The following GLDC variants were observed in gnomAD, a reference collection of about 807,000 sequenced individuals.
GLDC encodes the protein glycine decarboxylase.
Under a neutral mutation model 121.3 loss-of-function variants are expected in GLDC, and 104 were observed. The ratio of observed to expected loss-of-function variants is 0.86; its 90% CI spans 0.73 to 1.01. The LOEUF is 1.01. Among genes scored for constraint, GLDC ranks in the 50% least tolerant of loss-of-function variants. The pLI is 0.00. For synonymous variants in GLDC, 546 were observed against 480.6 expected, an observed-to-expected ratio of 1.14 and a Z score of -1.78; for missense variants, 1,429 against 1,306.6, an observed-to-expected ratio of 1.09 and a Z score of -1.44.
chr9:6,615,415 TA>T (rs201628740), intron 3 of GLDC, among the ~76,000 whole-genome samples: 58 of 137,324 alleles, frequency 4.2e-4, no homozygotes, highest in African/African-American at 1.5e-3. Context: ...TTGTCTCTAC[TA>T]AAAATTTAAA....
At chr9:6,589,130 C>G in intron 12 of GLDC, 65 bp downstream of exon 12, 1 of 980,340 alleles carries the variant, frequency 1.0e-6, no homozygotes, top group East Asian at 2.4e-5. Flanking sequence ...AGCAGCAGCA[C>G]TCTGCCTAAC....
chr9:6,629,957 A>ATTTT lies in GLDC; in HGVS notation c.335-9642_335-9639dup, dbSNP rs60203144. On this transcript the variant is annotated intron_variant, in intron 2 of 24. Coordinates refer to ENST00000321612, the MANE Select transcript of GLDC (RefSeq NM_000170.3). ...TATATATATATATGTATATATATAT[A>ATTTT]TTTTTTTTTTTTAAGAGAGACAAGG... 7.8e-4 allele frequency among the ~76,000 whole-genome samples: 65 copies of ATTTT among 83,064 alleles called. 1 individual carries two copies. Among genetic ancestry groups the ATTTT allele is most frequent in the Admixed American group, 1.5e-3 (12 of 8,078 alleles). 54.5% of individuals were successfully genotyped at this position (83,064 alleles called of 152,430 possible).
chr9:6,604,217 T>C (rs1818684213), intron 7 of GLDC, among the ~76,000 whole-genome samples: 1 of 152,220 alleles, frequency 6.6e-6, no homozygotes, highest in South Asian at 2.1e-4. Context: ...GTGTGTACTT[T>C]GCAGTCTCAG....
chr9:6,605,069 A>G (rs1563856953), intron 6 of GLDC, 62 bp downstream of exon 6: 5 of 1,402,740 alleles, frequency 3.6e-6, no homozygotes, highest in Non-Finnish European at 4.0e-6. Context: ...AGAGAGAGAT[A>G]GGTAGACAGA....
At chr9:6,621,318 A>G (rs1007866116) in intron 2 of GLDC, among the ~76,000 whole-genome samples, 9 of 152,216 alleles carry the variant, frequency 5.9e-5, no homozygotes, top group African/African-American at 2.2e-4. Context: ...AAATAATAAT[A>G]GCATTTGACA....
intron 4 of GLDC, 47 bp downstream of exon 4, chr9:6,610,145 C>A (rs753201934): frequency 1.4e-6 from 2 of 1,433,158 alleles, no homozygotes; most frequent in African/African-American, 1.4e-5. Context: ...CAAGGCCAGG[C>A]GAGGTGGCCC....
intron 4 of GLDC, among the ~76,000 whole-genome samples, chr9:6,609,606 C>G (rs1277675048): frequency 6.6e-6 from 1 of 152,144 alleles, no homozygotes; most frequent in South Asian, 2.1e-4. Context: ...CACACCTGCC[C>G]TTGAAACACC....
At chr9:6,608,851 A>G (rs10975687) in intron 4 of GLDC, among the ~76,000 whole-genome samples, 4,567 of 152,288 alleles carry the variant, frequency 0.03, 220 homozygotes, top group African/African-American at 0.097. Context: ...AGCTGAGAAT[A>G]ATAACCAGAG....
Position 6,559,930 on chromosome 9 carries a change from A to G in GLDC, c.1927-1246T>C, listed in dbSNP as rs552656303. 1.2e-4 allele frequency among the ~76,000 whole-genome samples: 18 copies of G among 152,360 alleles called. 1 individual carries two copies. The South Asian group carries it at 3.7e-3, about 32-fold the overall frequency. ...TGTCTAGAGTCCAGAGATGCAGCAG[A>G]AACATGGACAAGGGGATGTAGCTTC... On this transcript the variant is annotated intron_variant, in intron 16 of 24. Transcript: ENST00000321612.
At chr9:6,570,000 C>T (rs915096075) in intron 15 of GLDC, among the ~76,000 whole-genome samples, 3 of 152,106 alleles carry the variant, frequency 2.0e-5, no homozygotes, top group South Asian at 2.1e-4. Context: ...TAAAAAACAT[C>T]GTGGCTAACT....
intron 3 of GLDC, among the ~76,000 whole-genome samples, chr9:6,611,067 C>T (rs1818841241): frequency 6.6e-6 from 1 of 152,120 alleles, no homozygotes. Context: ...AGGAGAAGTT[C>T]TACATGCTAA....
chr9:6,599,045 A>G (rs1818546093), intron 8 of GLDC, among the ~76,000 whole-genome samples: 1 of 152,178 alleles, frequency 6.6e-6, no homozygotes, highest in African/African-American at 2.4e-5. Flanking sequence ...TTAGCCAGGC[A>G]TGGTCGTGGG....
At chr9:6,629,813 T>G (rs976339505) in intron 2 of GLDC, among the ~76,000 whole-genome samples, 1 of 151,018 alleles carries the variant, frequency 6.6e-6, no homozygotes, top group African/African-American at 2.4e-5. Context: ...CATTTATATT[T>G]TAAAAATAAT....
intron 15 of GLDC, among the ~76,000 whole-genome samples, chr9:6,570,679 C>T (rs572311319): frequency 1.3e-5 from 2 of 152,214 alleles, no homozygotes; most frequent in African/African-American, 4.8e-5. Context: ...CATGGCGAAA[C>T]TTCGTCTCTA....
In GLDC at chr9:6,645,240, C is replaced by A. The variant is rs372569318; in HGVS notation, c.255+5G>T. The A allele has an allele frequency of 1.1e-5, 17 of 1,586,598 alleles. No individual in the cohort carries two copies. The African/African-American group carries it at 1.9e-4, about 18-fold the overall frequency. On this transcript the variant is annotated splice_donor_5th_base_variant and intron_variant, in intron 1 of 24. Transcript: ENST00000321612. The stretch of plus-strand genomic sequence containing the variant: ...GGCCGCGGAGGGCCGGGTGGAGGTC[C>A]TTACCGCCAGCCCCAAGGTCTGCAG...
At chr9:6,612,986 A>C (rs1179501510) in intron 3 of GLDC, among the ~76,000 whole-genome samples, 1 of 152,214 alleles carries the variant, frequency 6.6e-6, no homozygotes, top group Non-Finnish European at 1.5e-5. Flanking sequence ...AATACATAAA[A>C]TACAAAACGT....
chr9:6,594,904 T>A, intron 9 of GLDC, 110 bp downstream of exon 9: 2 of 768,834 alleles, frequency 2.6e-6, no homozygotes. Context: ...TCCTCGTTTC[T>A]CACTTGACTT....
Position 6,599,412 on chromosome 9 carries a change from G to T in GLDC, c.1155+2697C>A, listed in dbSNP as rs531081239. Among the ~76,000 whole-genome samples, 27 of 152,062 alleles carry T rather than the reference G, an allele frequency of 1.8e-4. No individual in the cohort carries two copies. In the South Asian group the frequency reaches 4.6e-3, roughly 26 times the overall value. ...ACAAATGGAGGGTAAGCTACAGAAAGTGAGGCCACCATATAAAGATCACCA... is the reference window on the plus strand; with the variant it reads ...ACAAATGGAGGGTAAGCTACAGAAATTGAGGCCACCATATAAAGATCACCA... On this transcript the variant is annotated intron_variant, in intron 8 of 24. Transcript: ENST00000321612.
intron 8 of GLDC, among the ~76,000 whole-genome samples, chr9:6,598,488 C>A (rs939764933): frequency 9.9e-5 from 15 of 152,260 alleles, no homozygotes; most frequent in African/African-American, 3.6e-4. Context: ...GTGGACTCCC[C>A]CACCCACCCC....
Sources: allele counts gnomAD v4.1 joint callset (sites outside exome capture counted in the v4.1 genomes callset), GRCh38; gene constraint gnomAD v4.1.1; transcripts MANE v1.5; gene names NCBI Gene and HGNC (gene_info 2026-07-23, HGNC 2026-07-21).